Variants in NSMCE4A observed in about 807,000 individuals in gnomAD.
NSMCE4A encodes non-structural maintenance of chromosomes element 4 homolog A.
Under a neutral mutation model 47.9 loss-of-function variants are expected in NSMCE4A, and 40 were observed. That is an observed-to-expected ratio of 0.83 (90% CI 0.65 to 1.09). The LOEUF (loss-of-function observed/expected upper bound fraction) is 1.09. Ranked by LOEUF, NSMCE4A falls within the 50% of genes least tolerant of loss-of-function variation. NSMCE4A has a pLI of 0.00. For synonymous variants in NSMCE4A, 166 were observed against 178.5 expected (o/e 0.93, Z 0.56); for missense variants, 500 against 507.0 (o/e 0.99, Z 0.13).
chr10:121,974,480 ACAGCTCTCGCGTGCCGCTG>A, intron 1 of NSMCE4A: 1 of 1,003,410 alleles, frequency 1.0e-6, no homozygotes, highest in Non-Finnish European at 1.2e-6. Flanking sequence ...CGTGCATTTG[ACAGCTCTCGCGTGCCGCTG>A]CAGCTGCAGC....
At position 121,957,267 on chromosome 10, in the gene NSMCE4A, G is replaced by A. The variant is rs1952409964; in HGVS notation, c.*13-8C>T. ...TCACTATCCATTTGAGTCCTAAAAA[G>A]GGGAAGAATAGCTGGTTAACAGTTT... On this transcript the variant is annotated splice_polypyrimidine_tract_variant and splice_region_variant and intron_variant, in intron 10 of 10. Coordinates refer to ENST00000369023, the MANE Select transcript of NSMCE4A (RefSeq NM_017615.3). 6.6e-6 allele frequency: 1 copy of A among 152,544 alleles called. No individual in the cohort carries two copies. Among genetic ancestry groups the A allele is most frequent in the African/African-American group, 2.4e-5 (1 of 41,410 alleles). 9.4% of individuals were successfully genotyped at this position (152,544 alleles called of 1,614,324 possible). A position where few individuals can be genotyped will look rare whatever the true frequency, so the allele number is the denominator to read the frequency against.
At chr10:121,974,434 G>T in intron 1 of NSMCE4A, 1 of 1,022,202 alleles carries the variant, frequency 9.8e-7, no homozygotes, top group Non-Finnish European at 1.2e-6. Context: ...CCCACCCAGA[G>T]ATTCGAATTC....
At chr10:121,973,776 G>A (rs1204910904) in intron 2 of NSMCE4A, among the ~76,000 whole-genome samples, 1 of 152,174 alleles carries the variant, frequency 6.6e-6, no homozygotes, top group African/African-American at 2.4e-5. Flanking sequence ...AGAATCAACT[G>A]GGGGCTTAAC....
chr10:121,974,910 G>T lies in NSMCE4A; in HGVS notation c.256C>A (p.Arg86Ser), dbSNP rs1319036321. ...EADQGLCRQI[R>S]HQYRALINSV... ...TTGATGAGCGCCCGGTACTGATGGC[G>T]GATCTGGCGGCACAGGCCTTGGTCG... is the stretch of plus-strand genomic sequence containing the variant. Residue 86 changes from arginine (R) to serine (S), a missense_variant, in exon 1 of 11, where the codon CGC (arginine) becomes AGC (serine). Arg to Ser is a moderately radical substitution (Grantham distance 110). Coordinates refer to ENST00000369023, the MANE Select transcript of NSMCE4A (RefSeq NM_017615.3). 6.5e-7 allele frequency: 1 copy of T among 1,527,282 alleles called. No individual in the cohort carries two copies. The highest frequency in any genetic ancestry group is 8.8e-7 in the Non-Finnish European group (1 of 1,139,754). 94.6% of individuals were successfully genotyped at this position (1,527,282 alleles called of 1,614,324 possible).
At chr10:121,972,223 G>A (rs1283807208) in intron 2 of NSMCE4A, among the ~76,000 whole-genome samples, 1 of 152,144 alleles carries the variant, frequency 6.6e-6, no homozygotes, top group African/African-American at 2.4e-5. Context: ...TCGGGTGGCT[G>A]AAGCTGGAGA....
At chr10:121,970,477 A>G (rs1231890042) in intron 3 of NSMCE4A, among the ~76,000 whole-genome samples, 22 of 31,056 alleles carry the variant, frequency 7.1e-4, no homozygotes, top group Non-Finnish European at 1.3e-3. Flanking sequence ...GTCTCAAAGG[A>G]AAAAAAAAAA....
chr10:121,968,388 T>C (rs1012707609), intron 3 of NSMCE4A, among the ~76,000 whole-genome samples: 2 of 152,216 alleles, frequency 1.3e-5, no homozygotes, highest in Non-Finnish European at 2.9e-5. Context: ...CATATAAATA[T>C]AAAATTAAAT....
At chr10:121,963,396 A>G (rs1952538353) in intron 5 of NSMCE4A, 68 bp from the exon 6 acceptor site, 1 of 846,016 alleles carries the variant, frequency 1.2e-6, no homozygotes, top group African/African-American at 1.7e-5. Context: ...TCTCTCTTGC[A>G]CACCCAAACT....
intron 2 of NSMCE4A, among the ~76,000 whole-genome samples, chr10:121,971,320 C>T (rs1231714738): frequency 6.6e-6 from 1 of 152,094 alleles, no homozygotes; most frequent in African/African-American, 2.4e-5. Flanking sequence ...ACCATCCTGG[C>T]TAACACGGTG....
Position 121,970,919 on chromosome 10 carries a change from G to A in NSMCE4A, c.501+20C>T. On this transcript the variant is annotated intron_variant, in intron 3 of 10. Transcript: ENST00000369023. ...TATAACAGAACATTTTTTATTCAGA[G>A]TCTGTAGCTTTGAACTTACTAGAGT... The A allele has an allele frequency of 6.3e-7, 1 of 1,585,902 alleles. No homozygotes were observed. Among genetic ancestry groups the A allele is most frequent in the Non-Finnish European group, 8.6e-7 (1 of 1,165,766 alleles).
intron 6 of NSMCE4A, among the ~76,000 whole-genome samples, chr10:121,962,418 C>CAA (rs781536528): frequency 1.9e-4 from 15 of 78,478 alleles, no homozygotes; most frequent in African/African-American, 4.6e-4. Flanking sequence ...GACTCTGTCT[C>CAA]AAAAAAAAAA....
Position 121,965,397 on chromosome 10 carries a change from T to G in NSMCE4A, c.654-12A>C. ...ATATTGAACCCAACCTAATGAAAAG[T>G]ATGCTTTCATTTATTTTTTTTGCCT... On this transcript the variant is annotated splice_polypyrimidine_tract_variant and intron_variant, in intron 4 of 10. Transcript: ENST00000369023. 1 of 1,581,234 alleles carries G rather than the reference T, an allele frequency of 6.3e-7. No individual in the cohort carries two copies. Among genetic ancestry groups the G allele is most frequent in the Non-Finnish European group, 8.6e-7 (1 of 1,159,560 alleles).
intron 10 of NSMCE4A, among the ~76,000 whole-genome samples, chr10:121,958,291 A>G (rs777019628): frequency 6.6e-6 from 1 of 152,158 alleles, no homozygotes; most frequent in Non-Finnish European, 1.5e-5. Context: ...GTAAGGGGCA[A>G]AAATAAATAA....
chr10:121,974,927 C>T lies in NSMCE4A; in HGVS notation c.239G>A (p.Gly80Asp). Residue 80 changes from glycine to aspartate, a missense_variant, in exon 1 of 11, where the codon GGC (glycine) becomes GAC (aspartate). Physicochemically the swap from Gly to Asp is moderately conservative, Grantham distance 94. Coordinates refer to ENST00000369023, the MANE Select transcript of NSMCE4A (RefSeq NM_017615.3). ...CTGATGGCGGATCTGGCGGCACAGGCCTTGGTCGGCCTCCGCCTCCAAGCT... is the reference window on the plus strand; with the variant it reads ...CTGATGGCGGATCTGGCGGCACAGGTCTTGGTCGGCCTCCGCCTCCAAGCT... ...PASLEAEADQ[G>D]LCRQIRHQYR... The T allele has an allele frequency of 2.0e-6, 3 of 1,533,616 alleles. No individual in the cohort carries two copies. The highest frequency in any genetic ancestry group is 2.6e-6 in the Non-Finnish European group (3 of 1,142,662).
chr10:121,963,012 G>A (rs189421625), intron 6 of NSMCE4A, among the ~76,000 whole-genome samples: 1 of 152,170 alleles, frequency 6.6e-6, no homozygotes. Flanking sequence ...CACTTGAATG[G>A]CATATTTCAT....
intron 1 of NSMCE4A, chr10:121,974,393 C>G: frequency 9.3e-7 from 1 of 1,078,170 alleles, no homozygotes; most frequent in Non-Finnish European, 1.1e-6. Flanking sequence ...TACACACCAT[C>G]ACCTGGAGGG....
intron 2 of NSMCE4A, among the ~76,000 whole-genome samples, chr10:121,971,401 T>C (rs1204905749): frequency 2.0e-5 from 3 of 152,074 alleles, no homozygotes; most frequent in African/African-American, 7.2e-5. Flanking sequence ...TCCCAGCTAC[T>C]TGGGAGGCTG....
chr10:121,973,986 TATAAA>T lies in NSMCE4A; in HGVS notation c.370+13_370+17del, dbSNP rs778907432. 79 of 1,513,692 alleles carry T rather than the reference TATAAA, an allele frequency of 5.2e-5. No homozygotes were observed. The highest frequency in any genetic ancestry group is 7.2e-5 in the Admixed American group (4 of 55,258). 93.8% of individuals were successfully genotyped at this position (1,513,692 alleles called of 1,614,324 possible). A position where few individuals can be genotyped will look rare whatever the true frequency, so the allele number is the denominator to read the frequency against. ...AAGTATCATAAAACACGAAATAACA[TATAAA>T]ATAACAAATTACCTTCATTAAACAG... On this transcript the variant is annotated intron_variant, in intron 2 of 10. Coordinates refer to ENST00000369023, the MANE Select transcript of NSMCE4A (RefSeq NM_017615.3).
Position 121,975,162 on chromosome 10 carries a change from A to G in NSMCE4A, c.4T>C (p.Ser2Pro). ...GGCCCGCGGCCGCTGCTGTCCCCAG[A>G]CATAGCGCCAATTCACCGTGCAACT... M[S>P]GDSSGRGPEG... is the part of the protein sequence containing the mutation. Residue 2 changes from serine to proline, a missense_variant, in exon 1 of 11, where the codon TCT becomes CCT. Coordinates refer to ENST00000369023, the MANE Select transcript of NSMCE4A (RefSeq NM_017615.3). 7.2e-7 allele frequency: 1 copy of G among 1,383,432 alleles called. No homozygotes were observed. The highest frequency in any genetic ancestry group is 9.3e-7 in the Non-Finnish European group (1 of 1,077,916). The allele number at this position is 1,383,432 out of a possible 1,614,324, so 85.7% of individuals were successfully genotyped here.
Sources: gnomAD v4.1 joint callset for allele counts (sites outside exome capture counted in the v4.1 genomes callset) on GRCh38, gnomAD v4.1.1 for gene constraint, MANE v1.5 for transcripts, NCBI Gene and HGNC (gene_info 2026-07-23, HGNC 2026-07-21) for gene names.